Variants in PCCA observed in about 807,000 individuals in gnomAD.
The protein encoded by PCCA is propionyl-CoA carboxylase alpha chain, mitochondrial.
In PCCA, 74 loss-of-function variants were observed where a neutral mutation model predicts 101.3. That is an observed-to-expected ratio of 0.73 (90% CI 0.61 to 0.89). PCCA has a LOEUF of 0.89. Among genes scored for constraint, PCCA ranks in the 40% least tolerant of loss-of-function variants. PCCA has a pLI of 0.00. For synonymous variants in PCCA, 294 were observed against 313.6 expected, an observed-to-expected ratio of 0.94 and a Z score of 0.66; for missense variants, 891 against 907.0, an observed-to-expected ratio of 0.98 and a Z score of 0.23.
intron 19 of PCCA, among the ~76,000 whole-genome samples, chr13:100,387,802 C>G (rs9554684): frequency 2.0e-5 from 3 of 152,058 alleles, no homozygotes; most frequent in Non-Finnish European, 4.4e-5. Flanking sequence ...AATTGCTTGT[C>G]TAATTGGGTG....
rs41281120 is a variant in PCCA, at chr13:100,302,950, A to G, written c.1236A>G (p.Pro412=). Residue 412 remains proline, a synonymous_variant, in exon 14 of 24, where the codon CCA becomes CCG. Transcript: ENST00000376285. ...ACCCCTACAAGTCTTTTGGTTTACC[A>G]TCTATTGGGAGATTGTCTCAGTACC... ...AEDPYKSFGL[P]SIGRLSQYQE... 4,641 of 1,606,096 alleles carry G rather than the reference A, an allele frequency of 2.9e-3. 14 individuals are homozygous for G. Among genetic ancestry groups the G allele is most frequent in the South Asian group, 4.4e-3 (404 of 90,932 alleles).
At chr13:100,089,285 C>G in intron 1 of PCCA, 60 bp downstream of exon 1, 2 of 1,363,462 alleles carry the variant, frequency 1.5e-6, no homozygotes, top group Non-Finnish European at 1.9e-6. Context: ...CGTGCCGCCT[C>G]TGGGCGGCTG....
At chr13:100,153,791 A>G (rs528735842) in intron 4 of PCCA, among the ~76,000 whole-genome samples, 5 of 152,202 alleles carry the variant, frequency 3.3e-5, no homozygotes, top group Non-Finnish European at 5.9e-5. Context: ...TACCGAATGT[A>G]TATATTTGGA....
At chr13:100,510,331 G>A (rs1332929228) in intron 21 of PCCA, among the ~76,000 whole-genome samples, 1 of 152,178 alleles carries the variant, frequency 6.6e-6, no homozygotes, top group African/African-American at 2.4e-5. Context: ...TATACAACAA[G>A]CAAGCAGTTT....
intron 21 of PCCA, among the ~76,000 whole-genome samples, chr13:100,498,235 CA>C (rs34099057): frequency 0.05 from 6,384 of 127,880 alleles, 462 homozygotes; most frequent in African/African-American, 0.17. Flanking sequence ...GTAGGTTAGC[CA>C]AAAAAAAAAA....
chr13:100,110,047 A>G (rs939161700), intron 2 of PCCA, among the ~76,000 whole-genome samples: 1 of 152,076 alleles, frequency 6.6e-6, no homozygotes, highest in African/African-American at 2.4e-5. Flanking sequence ...GCAGGAGAAT[A>G]TGTTGAACCT....
intron 4 of PCCA, among the ~76,000 whole-genome samples, chr13:100,119,914 C>T (rs554150348): frequency 5.9e-5 from 9 of 151,972 alleles, no homozygotes; most frequent in African/African-American, 2.2e-4. Context: ...TCTTGTTGTC[C>T]AGGCTGGAAT....
At chr13:100,264,706 A>G (rs2152567690) in intron 10 of PCCA, among the ~76,000 whole-genome samples, 1 of 152,210 alleles carries the variant, frequency 6.6e-6, no homozygotes, top group South Asian at 2.1e-4. Context: ...ACATATATAC[A>G]TCTCTAGGAT....
At chr13:100,519,883 C>T (rs977050994) in intron 22 of PCCA, among the ~76,000 whole-genome samples, 2 of 152,258 alleles carry the variant, frequency 1.3e-5, no homozygotes, top group Admixed American at 1.3e-4. Flanking sequence ...CTGCATCTTT[C>T]CCTGGCAGAG....
intron 12 of PCCA, among the ~76,000 whole-genome samples, chr13:100,297,132 C>T (rs1302469971): frequency 6.6e-6 from 1 of 152,184 alleles, no homozygotes; most frequent in African/African-American, 2.4e-5. Flanking sequence ...TCTATGAGCA[C>T]CATGTTGGTA....
At chr13:100,429,876 G>T (rs541872367) in intron 20 of PCCA, among the ~76,000 whole-genome samples, 1 of 151,434 alleles carries the variant, frequency 6.6e-6, no homozygotes, top group Non-Finnish European at 1.5e-5. Context: ...TAAAGTGCTG[G>T]GATTACAGGT....
At chr13:100,191,979 A>C (rs1047943093) in intron 6 of PCCA, among the ~76,000 whole-genome samples, 1 of 152,210 alleles carries the variant, frequency 6.6e-6, no homozygotes, top group Admixed American at 6.5e-5. Context: ...AATTATTGAG[A>C]AAGACAAATC....
chr13:100,529,706 C>A (rs2088213707), intron 23 of PCCA, among the ~76,000 whole-genome samples: 1 of 152,170 alleles, frequency 6.6e-6, no homozygotes, highest in Non-Finnish European at 1.5e-5. Context: ...CATTAATTCT[C>A]AGAGAACATT....
chr13:100,099,793 T>C (rs548880392), intron 1 of PCCA, among the ~76,000 whole-genome samples: 115 of 152,286 alleles, frequency 7.6e-4, no homozygotes, highest in Non-Finnish European at 2.9e-5. Context: ...GTGCTAGCCA[T>C]GTTAGACATT....
rs145890574 is a variant in PCCA, at chr13:100,338,315, T to G, written c.1541-1842T>G. 4.6e-5 allele frequency among the ~76,000 whole-genome samples: 7 copies of G among 152,328 alleles called. No homozygotes were observed. In the East Asian group the frequency reaches 1.3e-3, roughly 29 times the overall value. ...CTTGAAAATATTTATTCATTCATTC[T>G]GAAAGTAATGGTAATAAATCCATTA... On this transcript the variant is annotated intron_variant, in intron 17 of 23. Coordinates refer to ENST00000376285, the MANE Select transcript of PCCA (RefSeq NM_000282.4).
rs1464482930 is a variant in PCCA, at chr13:100,150,861, C to T, written c.301-4118C>T. On this transcript the variant is annotated intron_variant, in intron 4 of 23. Coordinates refer to ENST00000376285, the MANE Select transcript of PCCA (RefSeq NM_000282.4). ...TGATGGACAGGCTTGCCATAAGTTGCACCCTTAGGAACTGGGCGTTTTCGG... is the reference window on the plus strand; with the variant it reads ...TGATGGACAGGCTTGCCATAAGTTGTACCCTTAGGAACTGGGCGTTTTCGG... 3.8e-6 allele frequency: 6 copies of T among 1,574,342 alleles called. No individual in the cohort carries two copies. In the Admixed American group the frequency reaches 8.3e-5, roughly 22 times the overall value.
At chr13:100,294,781 A>G (rs2065396514) in intron 12 of PCCA, among the ~76,000 whole-genome samples, 1 of 152,212 alleles carries the variant, frequency 6.6e-6, no homozygotes, top group Admixed American at 6.5e-5. Context: ...TAAACAAATC[A>G]AAAGCACAAA....
At chr13:100,524,374 CGTGTGTGTGTGTGTGT>C (rs1210676697) in intron 22 of PCCA, among the ~76,000 whole-genome samples, 4 of 139,172 alleles carry the variant, frequency 2.9e-5, no homozygotes, top group Admixed American at 7.3e-5. Flanking sequence ...CAATTAAGCT[CGTGTGTGTGTGTGTGT>C]GTGTGTGTGT....
intron 6 of PCCA, among the ~76,000 whole-genome samples, chr13:100,162,529 C>G (rs1415201337): frequency 6.6e-6 from 1 of 152,158 alleles, no homozygotes; most frequent in Non-Finnish European, 1.5e-5. Context: ...GGCATCTGTT[C>G]TTGCTGTTGG....
Sources: allele counts gnomAD v4.1 joint callset (sites outside exome capture counted in the v4.1 genomes callset), GRCh38; gene constraint gnomAD v4.1.1; transcripts MANE v1.5; gene names NCBI Gene and HGNC (gene_info 2026-07-23, HGNC 2026-07-21).